Variants in CHERP observed in about 807,000 individuals in gnomAD.
CHERP encodes calcium homeostasis endoplasmic reticulum protein.
A neutral mutation model predicts 113.8 loss-of-function variants in CHERP; 8 were observed. That is an observed-to-expected ratio of 0.07 (90% confidence interval 0.04 to 0.13). The LOEUF (loss-of-function observed/expected upper bound fraction) is 0.13. Among genes scored for constraint, CHERP ranks in the 10% least tolerant of loss-of-function variants. The pLI is 1.00. For synonymous variants in CHERP, 559 were observed against 524.5 expected (o/e 1.07, Z -0.90); for missense variants, 884 against 1,298.2 (o/e 0.68, Z 4.90).
chr19:16,518,362 C>T lies in CHERP; in HGVS notation c.*797G>A, dbSNP rs1428923495. On this transcript the variant is annotated 3_prime_UTR_variant, in exon 17 of 17. Transcript: ENST00000546361. ...AAGCAGGGGACGCGACGGGCACAGA[C>T]TCCGAGGCAGCGCTCAACCTGAAGT... 1.3e-5 allele frequency: 2 copies of T among 152,086 alleles called. No individual in the cohort carries two copies. Among genetic ancestry groups the T allele is most frequent in the Non-Finnish European group, 2.9e-5 (2 of 68,028 alleles). 9.4% of individuals were successfully genotyped at this position (152,086 alleles called of 1,614,324 possible).
At chr19:16,527,880 G>A (rs946372836) in intron 9 of CHERP, among the ~76,000 whole-genome samples, 200 bp downstream of exon 9, 1 of 152,208 alleles carries the variant, frequency 6.6e-6, no homozygotes, top group Non-Finnish European at 1.5e-5. Context: ...GCTCGGGGAA[G>A]GGACGTGAAG....
chr19:16,524,615 T>A (rs962629773), intron 10 of CHERP, among the ~76,000 whole-genome samples: 4 of 151,424 alleles, frequency 2.6e-5, no homozygotes, highest in Non-Finnish European at 4.4e-5. Context: ...ATACTAGGCA[T>A]GGTGGCTCAC....
At chr19:16,536,441 G>A (rs1047108445) in intron 2 of CHERP, among the ~76,000 whole-genome samples, 5 of 152,164 alleles carry the variant, frequency 3.3e-5, no homozygotes, top group African/African-American at 9.7e-5. Context: ...GGTACCCCTG[G>A]AGCCCTCCAG....
Position 16,532,510 on chromosome 19 carries a change from A to T in CHERP, c.674+88T>A. ...CCTAGTCTCGGGACAGGCCAAGCCA[A>T]GCTACCGACCGGAGCAAGCGGCCAC... On this transcript the variant is annotated intron_variant, in intron 5 of 16. Transcript: ENST00000546361. The surrounding 1 kb of genome is among the most constrained non-coding windows in gnomAD (Gnocchi z 4.4). 1.4e-6 allele frequency: 2 copies of T among 1,434,592 alleles called. No homozygotes were observed. Among genetic ancestry groups the T allele is most frequent in the Non-Finnish European group, 1.8e-6 (2 of 1,084,874 alleles). 88.9% of individuals were successfully genotyped at this position (1,434,592 alleles called of 1,614,324 possible). A position where few individuals can be genotyped will look rare whatever the true frequency, so the allele number is the denominator to read the frequency against.
rs549317822 is a variant in CHERP, at chr19:16,537,378, G to A, written c.200-1742C>T. 2.6e-5 allele frequency among the ~76,000 whole-genome samples: 4 copies of A among 152,066 alleles called. No homozygotes were observed. In the East Asian group the frequency reaches 5.8e-4, roughly 22 times the overall value. ...GCCCTGTCCTCCGCTCTACGCAACC[G>A]CCGGGCAACATGAGCTACTCATTCC... On this transcript the variant is annotated intron_variant, in intron 2 of 16. Coordinates refer to ENST00000546361, the MANE Select transcript of CHERP (RefSeq NM_006387.6).
chr19:16,528,894 A>G (rs2085675051), intron 8 of CHERP, among the ~76,000 whole-genome samples: 1 of 152,220 alleles, frequency 6.6e-6, no homozygotes, highest in Non-Finnish European at 1.5e-5. Context: ...CGGAGCTTGC[A>G]GTGAGCTGAG....
chr19:16,520,788 C>A lies in CHERP; in HGVS notation c.2201+38G>T. On this transcript the variant is annotated intron_variant, in intron 13 of 16. Coordinates refer to ENST00000546361, the MANE Select transcript of CHERP (RefSeq NM_006387.6). The surrounding 1 kb of genome is among the most constrained non-coding windows in gnomAD (Gnocchi z 4.0). ...CTCCCACCCATCACAAGCTGTGGAC[C>A]CTGGCCCCCCGGCCACTGCAGACAT... The A allele has an allele frequency of 6.3e-7, 1 of 1,586,890 alleles. No homozygotes were observed.
chr19:16,540,380 C>CT (rs199633213), intron 2 of CHERP, among the ~76,000 whole-genome samples: 100 of 123,756 alleles, frequency 8.1e-4, no homozygotes, highest in Middle Eastern at 5.8e-3. Flanking sequence ...TTTCAAGCTG[C>CT]TTTTTTTTTT....
chr19:16,522,554 TG>T (rs1292075512), intron 11 of CHERP, among the ~76,000 whole-genome samples: 49 of 152,264 alleles, frequency 3.2e-4, no homozygotes, highest in African/African-American at 1.2e-3. Context: ...CCACTACGCC[TG>T]GCCAGACCTG....
chr19:16,532,772 G>C lies in CHERP; in HGVS notation c.523-23C>G, dbSNP rs980135903. 6.3e-7 allele frequency: 1 copy of C among 1,596,566 alleles called. No individual in the cohort carries two copies. Among genetic ancestry groups the C allele is most frequent in the Non-Finnish European group, 8.6e-7 (1 of 1,167,808 alleles). ...GGCCTGCAACAACCGAGCCAATGACGAGTGAGCAGGGCCGCGGCTCCCCCA... is the reference window on the plus strand; with the variant it reads ...GGCCTGCAACAACCGAGCCAATGACCAGTGAGCAGGGCCGCGGCTCCCCCA... On this transcript the variant is annotated intron_variant, in intron 4 of 16. Transcript: ENST00000546361. The surrounding 1 kb of genome is among the most constrained non-coding windows in gnomAD (Gnocchi z 4.4).
rs747086336 is a variant in CHERP, at chr19:16,519,133, AC to A, written c.*25del. On this transcript the variant is annotated 3_prime_UTR_variant, in exon 17 of 17. Transcript: ENST00000546361. The surrounding 1 kb of genome is among the most constrained non-coding windows in gnomAD (Gnocchi z 6.0). ...GGTCCCACAGCCGGCACCGCTGGCC[AC>A]CGGCGCGGCTCCCGGCATGGGCGCC... 6 of 1,600,228 alleles carry A rather than the reference AC, an allele frequency of 3.7e-6. No homozygotes were observed. Among genetic ancestry groups the A allele is most frequent in the Non-Finnish European group, 5.1e-6 (6 of 1,173,682 alleles).
Position 16,535,431 on chromosome 19 carries a change from G to T in CHERP, c.384+21C>A, listed in dbSNP as rs367610373. ...ACAGGGGAGCTGCTGGTGTCTGGCC[G>T]AGGAGGCGGCGGGCCCATACCTGTC... On this transcript the variant is annotated intron_variant, in intron 3 of 16. Coordinates refer to ENST00000546361, the MANE Select transcript of CHERP (RefSeq NM_006387.6). The surrounding 1 kb of genome is among the most constrained non-coding windows in gnomAD (Gnocchi z 4.3). 2.5e-6 allele frequency: 4 copies of T among 1,602,802 alleles called. No homozygotes were observed. Among genetic ancestry groups the T allele is most frequent in the Non-Finnish European group, 2.6e-6 (3 of 1,175,328 alleles).
At position 16,525,258 on chromosome 19, in the gene CHERP, C is replaced by A; in HGVS notation, c.1725G>T (p.Gln575His). ...PPYPHRFDYP[Q>H]GDFPAEMGPP... ...TACACTCACCGGCAGGGAAGTCCCC[C>A]TGGGGGTAGTCGAAGCGGTGGGGAT... is the stretch of plus-strand genomic sequence containing the variant. Residue 575 changes from glutamine (Q) to histidine (H), a missense_variant, in exon 10 of 17, where the codon CAG becomes CAT. Physicochemically the swap from Gln to His is conservative, Grantham distance 24. Around this residue, in one of 8 missense-constraint regions of CHERP, gnomAD observed 464 missense variants for 590.1 expected, o/e 0.79. Transcript: ENST00000546361. This position sits in a 1 kb window ranked among gnomAD's most constrained non-coding sequence, Gnocchi z 6.5. 1.6e-5 allele frequency: 23 copies of A among 1,432,820 alleles called. No individual in the cohort carries two copies. Among genetic ancestry groups the A allele is most frequent in the Non-Finnish European group, 2.0e-5 (22 of 1,091,304 alleles). The allele number at this position is 1,432,820 out of a possible 1,614,324, so 88.8% of individuals were successfully genotyped here. A position where few individuals can be genotyped will look rare whatever the true frequency, so the allele number is the denominator to read the frequency against.
Position 16,530,987 on chromosome 19 carries a change from C to G in CHERP, c.675-107G>C. On this transcript the variant is annotated intron_variant, in intron 5 of 16. Transcript: ENST00000546361. The surrounding 1 kb of genome is among the most constrained non-coding windows in gnomAD (Gnocchi z 4.1). ...CAGCGCCCTCTGCCTTCTCGGGAAT[C>G]GGGTCCCCAACCCGGTCAGGGCGAT... 3.3e-6 allele frequency: 5 copies of G among 1,498,276 alleles called. No homozygotes were observed. Among genetic ancestry groups the G allele is most frequent in the Non-Finnish European group, 3.6e-6 (4 of 1,124,720 alleles). 92.8% of individuals were successfully genotyped at this position (1,498,276 alleles called of 1,614,324 possible). A position where few individuals can be genotyped will look rare whatever the true frequency, so the allele number is the denominator to read the frequency against.
chr19:16,530,487 G>A lies in CHERP; in HGVS notation c.876+98C>T, dbSNP rs935731839. 1 of 1,106,822 alleles carries A rather than the reference G, an allele frequency of 9.0e-7. No homozygotes were observed. The allele number at this position is 1,106,822 out of a possible 1,614,324, so 68.6% of individuals were successfully genotyped here. A position where few individuals can be genotyped will look rare whatever the true frequency, so the allele number is the denominator to read the frequency against. On this transcript the variant is annotated intron_variant, in intron 7 of 16. Coordinates refer to ENST00000546361, the MANE Select transcript of CHERP (RefSeq NM_006387.6). This position sits in a 1 kb window ranked among gnomAD's most constrained non-coding sequence, Gnocchi z 4.1. ...CACAGGCAGGGGACATGGGCTCTCT[G>A]GCTGCTGGGGTGGCAGCTGCTGTCC...
rs754849942 is a variant in CHERP, at chr19:16,521,668, C to T, written c.1981-14G>A. Reference sequence around the variant, plus strand: ...GTGATCTTCCAGCTGCAGCAGAGAACCCCAGCTGTCACCATGCCTGGGCAG... The same window carrying T: ...GTGATCTTCCAGCTGCAGCAGAGAATCCCAGCTGTCACCATGCCTGGGCAG... On this transcript the variant is annotated splice_polypyrimidine_tract_variant and intron_variant, in intron 11 of 16. Transcript: ENST00000546361. The T allele has an allele frequency of 1.5e-5, 24 of 1,557,316 alleles. No individual in the cohort carries two copies. In the South Asian group the frequency reaches 2.8e-4, roughly 18 times the overall value.
rs919985372 is a variant in CHERP, at chr19:16,532,517, G to A, written c.674+81C>T. On this transcript the variant is annotated intron_variant, in intron 5 of 16. Coordinates refer to ENST00000546361, the MANE Select transcript of CHERP (RefSeq NM_006387.6). This position sits in a 1 kb window ranked among gnomAD's most constrained non-coding sequence, Gnocchi z 4.4. The stretch of plus-strand genomic sequence containing the variant: ...TCGGGACAGGCCAAGCCAAGCTACC[G>A]ACCGGAGCAAGCGGCCACCCAGGAG... The A allele has an allele frequency of 7.6e-6, 11 of 1,452,348 alleles. No homozygotes were observed. Among genetic ancestry groups the A allele is most frequent in the East Asian group, 2.5e-5 (1 of 39,884 alleles). The allele number at this position is 1,452,348 out of a possible 1,614,324, so 90.0% of individuals were successfully genotyped here. A position where few individuals can be genotyped will look rare whatever the true frequency, so the allele number is the denominator to read the frequency against.
rs1440404843 is a variant in CHERP at position 16,530,063 on chromosome 19, G to T, written c.877-163C>A. 6.6e-6 allele frequency among the ~76,000 whole-genome samples: 1 copy of T among 152,216 alleles called. No individual in the cohort carries two copies. On this transcript the variant is annotated intron_variant, in intron 7 of 16. Coordinates refer to ENST00000546361, the MANE Select transcript of CHERP (RefSeq NM_006387.6). This position sits in a 1 kb window ranked among gnomAD's most constrained non-coding sequence, Gnocchi z 4.1. ...CCAACACAGTCTGGGCAATCAGTGT[G>T]CGCTGGGATCTGGCCAGAGATTTGG...
chr19:16,520,036 C>T lies in CHERP; in HGVS notation c.2462+113G>A. On this transcript the variant is annotated intron_variant, in intron 15 of 16. Transcript: ENST00000546361. The surrounding 1 kb of genome is among the most constrained non-coding windows in gnomAD (Gnocchi z 4.0). ...GGTGAGGGGTGCCACTGTCCCCGGGCTAATGCTGGCGGCCTCCTAACACAG... is the reference window on the plus strand; with the variant it reads ...GGTGAGGGGTGCCACTGTCCCCGGGTTAATGCTGGCGGCCTCCTAACACAG... 2 of 1,127,966 alleles carry T rather than the reference C, an allele frequency of 1.8e-6. No individual in the cohort carries two copies. Among genetic ancestry groups the T allele is most frequent in the South Asian group, 1.4e-5 (1 of 72,102 alleles). The allele number at this position is 1,127,966 out of a possible 1,614,324, so 69.9% of individuals were successfully genotyped here. A position where few individuals can be genotyped will look rare whatever the true frequency, so the allele number is the denominator to read the frequency against.
Sources: allele counts gnomAD v4.1 joint callset (sites outside exome capture counted in the v4.1 genomes callset), GRCh38; gene constraint gnomAD v4.1.1; regional missense constraint gnomAD v4.1.1; non-coding constraint Gnocchi (gnomAD v3.1); transcripts MANE v1.5; gene names NCBI Gene and HGNC (gene_info 2026-07-23, HGNC 2026-07-21).